The following CFH variants were observed in gnomAD, a reference collection of about 807,000 sequenced individuals.
CFH encodes the protein complement factor H.
In CFH, 53 loss-of-function variants were observed where a neutral mutation model predicts 147.3. That is an observed-to-expected ratio of 0.36 (90% CI 0.29 to 0.45). The LOEUF (loss-of-function observed/expected upper bound fraction) is 0.45. Ranked by LOEUF, CFH falls within the 20% of genes least tolerant of loss-of-function variation. CFH has a pLI of 1.00. For synonymous variants in CFH, 536 were observed against 489.4 expected (o/e 1.10, Z -1.26); for missense variants, 1,380 against 1,498.0 (o/e 0.92, Z 1.30).
At chr1:196,690,676 C>T (rs1667992645) in intron 9 of CFH, among the ~76,000 whole-genome samples, 2 of 152,084 alleles carry the variant, frequency 1.3e-5, no homozygotes, top group Non-Finnish European at 2.9e-5. Flanking sequence ...GAGAGAGCGG[C>T]ACCTGAAAGT....
intron 9 of CFH, among the ~76,000 whole-genome samples, chr1:196,693,303 G>A (rs1245121723): frequency 1.3e-5 from 2 of 151,996 alleles, no homozygotes; most frequent in Non-Finnish European, 2.9e-5. Context: ...TAAAAAATTT[G>A]CCAGATAAAT....
intron 16 of CFH, among the ~76,000 whole-genome samples, 175 bp from the exon 17 acceptor site, chr1:196,737,300 A>G (rs1167387524): frequency 6.6e-6 from 1 of 152,236 alleles, no homozygotes; most frequent in Non-Finnish European, 1.5e-5. Flanking sequence ...AGAGGATGGT[A>G]ACATAGATAT....
rs1285918183 is a variant in CFH at position 196,743,437 on chromosome 1, T to G, written c.3134-15T>G. 6.2e-7 allele frequency: 1 copy of G among 1,613,852 alleles called. No individual in the cohort carries two copies. Among genetic ancestry groups the G allele is most frequent in the African/African-American group, 1.3e-5 (1 of 74,934 alleles). On this transcript the variant is annotated splice_polypyrimidine_tract_variant and intron_variant, in intron 19 of 21. Coordinates refer to ENST00000367429, the MANE Select transcript of CFH (RefSeq NM_000186.4). Reference sequence around the variant, plus strand: ...ATGAACACTAGGTGGAACCACTTCTTTTTTTTCTATTCAGACACCTCCTGT... The same window carrying G: ...ATGAACACTAGGTGGAACCACTTCTGTTTTTTCTATTCAGACACCTCCTGT...
chr1:196,736,831 A>G lies in CFH; in HGVS notation c.2421A>G (p.Gln807=), dbSNP rs200859144. The stretch of plus-strand genomic sequence containing the variant: ...ATTTTTAATATTTTTTAGTGGCACA[A>G]ATACAATTATGCCCACCTCCACCTC... ...WDPEVNCSMA[Q]IQLCPPPPQI... Residue 807 remains glutamine, a synonymous_variant, in exon 16 of 22, where the codon CAA becomes CAG. Coordinates refer to ENST00000367429, the MANE Select transcript of CFH (RefSeq NM_000186.4). 2.4e-5 allele frequency: 34 copies of G among 1,425,398 alleles called. No individual in the cohort carries two copies. The African/African-American group carries it at 4.7e-4, about 20-fold the overall frequency. The allele number at this position is 1,425,398 out of a possible 1,614,324, so 88.3% of individuals were successfully genotyped here. A position where few individuals can be genotyped will look rare whatever the true frequency, so the allele number is the denominator to read the frequency against.
In CFH at chr1:196,679,781, C is replaced by T. The variant is rs761751508; in HGVS notation, c.778C>T (p.Pro260Ser). ...VCTESGWRPL[P>S]SCEEKSCDNP... ...CACTGAATCTGGATGGCGTCCGTTG[C>T]CTTCATGTGAAGGTAATGTTACCTT... Residue 260 changes from proline (P) to serine (S), a missense_variant, in exon 6 of 22, where the codon CCT (proline) becomes TCT (serine). Physicochemically the swap from Pro to Ser is moderately conservative, Grantham distance 74. This residue lies in a region of CFH where 167 missense variants were observed against 228.0 expected (regional missense o/e 0.73). Transcript: ENST00000367429. 1 of 1,610,430 alleles carries T rather than the reference C, an allele frequency of 6.2e-7. No individual in the cohort carries two copies. The highest frequency in any genetic ancestry group is 8.5e-7 in the Non-Finnish European group (1 of 1,177,796).
At chr1:196,707,626 C>T (rs1668623040) in intron 9 of CFH, among the ~76,000 whole-genome samples, 1 of 152,164 alleles carries the variant, frequency 6.6e-6, no homozygotes, top group African/African-American at 2.4e-5. Context: ...CCATATAAAA[C>T]CCGCCCCGCC....
rs1211238650 is a variant in CFH at position 196,689,618 on chromosome 1, A to C, written c.1159+4A>C. ...TCGCCAGCAGTACCATGCCTCAGTAAGTAAACCTCTGAACTGCTATATATA... is the reference window on the plus strand; with the variant it reads ...TCGCCAGCAGTACCATGCCTCAGTACGTAAACCTCTGAACTGCTATATATA... On this transcript the variant is annotated splice_donor_region_variant and intron_variant, in intron 8 of 21. Transcript: ENST00000367429. The C allele has an allele frequency of 1.2e-6, 2 of 1,613,218 alleles. No individual in the cohort carries two copies. The highest frequency in any genetic ancestry group is 1.6e-4 in the Middle Eastern group (1 of 6,072).
At chr1:196,671,506 G>A (rs1262116903) in intron 1 of CFH, among the ~76,000 whole-genome samples, 1 of 150,378 alleles carries the variant, frequency 6.6e-6, no homozygotes, top group African/African-American at 2.4e-5. Flanking sequence ...TCCCATTTCT[G>A]GTTTCTAGTC....
chr1:196,736,759 TAA>T (rs1558183006), intron 15 of CFH, 63 bp from the exon 16 acceptor site: 4 of 824,674 alleles, frequency 4.9e-6, no homozygotes, highest in Non-Finnish European at 6.4e-6. Flanking sequence ...TCAAAAATTC[TAA>T]TTTTAATATT....
chr1:196,719,146 T>G (rs1668939608), intron 11 of CFH, among the ~76,000 whole-genome samples: 1 of 152,060 alleles, frequency 6.6e-6, no homozygotes, highest in Non-Finnish European at 1.5e-5. Context: ...GAGTTTTAGA[T>G]GAAGAAAAAT....
chr1:196,653,426 C>T (rs2149064749), intron 1 of CFH, among the ~76,000 whole-genome samples: 1 of 151,884 alleles, frequency 6.6e-6, no homozygotes, highest in South Asian at 2.1e-4. Flanking sequence ...TTGTAAAAGA[C>T]ATCTTTTTCT....
rs1202576181 is a variant in CFH at position 196,654,448 on chromosome 1, G to A, written c.58+2273G>A. Among the ~76,000 whole-genome samples, 3 of 152,012 alleles carry A rather than the reference G, an allele frequency of 2.0e-5. 1 individual carries two copies. The highest frequency in any genetic ancestry group is 1.3e-4 in the Admixed American group (2 of 15,262). Reference sequence around the variant, plus strand: ...CGTTAATTGCCTCCTTGTTTTAACAGTCTGGCTCAGGGGGTCACTGCAGGC... The same window carrying A: ...CGTTAATTGCCTCCTTGTTTTAACAATCTGGCTCAGGGGGTCACTGCAGGC... On this transcript the variant is annotated intron_variant, in intron 1 of 21. Coordinates refer to ENST00000367429, the MANE Select transcript of CFH (RefSeq NM_000186.4).
intron 9 of CFH, among the ~76,000 whole-genome samples, chr1:196,693,480 C>A (rs117630073): frequency 2.6e-5 from 4 of 151,982 alleles, no homozygotes; most frequent in Admixed American, 2.6e-4. Context: ...AGTAAATGCC[C>A]GAAATGATTA....
intron 9 of CFH, among the ~76,000 whole-genome samples, chr1:196,696,033 T>C (rs927714903): frequency 2.6e-5 from 4 of 152,042 alleles, no homozygotes; most frequent in African/African-American, 9.7e-5. Context: ...AAACTCCCAA[T>C]ACTATGTCCA....
intron 15 of CFH, among the ~76,000 whole-genome samples, chr1:196,734,058 T>C (rs979150140): frequency 6.6e-6 from 1 of 152,024 alleles, no homozygotes; most frequent in East Asian, 1.9e-4. Flanking sequence ...CTTCCAAAAT[T>C]AGTGAATTAA....
chr1:196,679,319 C>T (rs1364100028), intron 5 of CFH: 4 of 203,426 alleles, frequency 2.0e-5, no homozygotes, highest in East Asian at 1.3e-4. Context: ...TCAGTGAAAA[C>T]ATCACAATAA....
chr1:196,702,478 G>A (rs1193355787), intron 9 of CFH, among the ~76,000 whole-genome samples: 1 of 149,714 alleles, frequency 6.7e-6, no homozygotes, highest in Non-Finnish European at 1.5e-5. Flanking sequence ...AAAATAATAT[G>A]CCTATTTATT....
intron 9 of CFH, chr1:196,700,837 C>A: frequency 1.0e-6 from 1 of 985,330 alleles, no homozygotes; most frequent in Non-Finnish European, 1.2e-6. Flanking sequence ...GCAGTGCTGA[C>A]TTTCAGCACA....
In CFH at chr1:196,722,883, C is replaced by T. The variant is rs12025861; in HGVS notation, c.1697-2238C>T. 1.3e-4 allele frequency among the ~76,000 whole-genome samples: 20 copies of T among 152,102 alleles called. No homozygotes were observed. In the East Asian group the frequency reaches 3.7e-3, roughly 28 times the overall value. ...TGTAATCTGTAATTAAATCTTTCAA[C>T]TATATTTTGTAATTCTTCAATGAAT... On this transcript the variant is annotated intron_variant, in intron 11 of 21. Transcript: ENST00000367429.
Sources: gnomAD v4.1 joint callset for allele counts (sites outside exome capture counted in the v4.1 genomes callset) on GRCh38, gnomAD v4.1.1 for gene constraint, gnomAD v4.1.1 regional missense constraint, MANE v1.5 for transcripts, NCBI Gene and HGNC (gene_info 2026-07-23, HGNC 2026-07-21) for gene names.